RANBP2: variants seen among roughly 807,000 people sequenced by gnomAD.
RANBP2 encodes the protein RAN binding protein 2, also known as E3 SUMO-protein ligase RanBP2.
A neutral mutation model predicts 303.6 loss-of-function variants in RANBP2; 57 were observed. That is an observed-to-expected ratio of 0.19 (90% CI 0.15 to 0.23). RANBP2 has a LOEUF of 0.23. Among genes scored for constraint, RANBP2 ranks in the 10% least tolerant of loss-of-function variants. The pLI, the probability that RANBP2 is intolerant of heterozygous loss-of-function variation, is 1.00. For synonymous variants in RANBP2, 1,167 were observed against 1,301.5 expected (o/e 0.90, Z 2.23); for missense variants, 3,138 against 3,780.8 (o/e 0.83, Z 4.46).
the RANBP2 span, among the ~76,000 whole-genome samples, chr2:108,874,721 A>G: frequency 6.6e-6 from 1 of 152,214 alleles, no homozygotes; most frequent in East Asian, 1.9e-4. Context: ...ATTATTGTCA[A>G]ATTATAACCT....
the RANBP2 span, among the ~76,000 whole-genome samples, chr2:109,688,500 G>A: frequency 6.6e-6 from 1 of 152,152 alleles, no homozygotes; most frequent in African/African-American, 2.4e-5. Flanking sequence ...AAAATTGCAG[G>A]ACATGGCAGC....
chr2:108,806,346 A>C, the RANBP2 span, among the ~76,000 whole-genome samples: 1 of 152,130 alleles, frequency 6.6e-6, no homozygotes, highest in African/African-American at 2.4e-5. Flanking sequence ...ATCCTTAATA[A>C]TTTTGCATGT....
the RANBP2 span, among the ~76,000 whole-genome samples, chr2:109,164,511 C>T: frequency 1.2e-4 from 18 of 152,278 alleles, 1 homozygote; most frequent in South Asian, 3.1e-3. Context: ...TCTGTAGACT[C>T]TTCGGCCAAG....
chr2:108,775,464 G>A (rs1438177387), intron 23 of RANBP2, among the ~76,000 whole-genome samples: 2 of 152,110 alleles, frequency 1.3e-5, no homozygotes, highest in African/African-American at 2.4e-5. Flanking sequence ...GAAAAACTCC[G>A]TGTGGATCTT....
At chr2:109,074,248 A>C in the RANBP2 span, among the ~76,000 whole-genome samples, 1 of 150,498 alleles carries the variant, frequency 6.6e-6, no homozygotes, top group Admixed American at 6.6e-5. Context: ...AGGAGCCTGT[A>C]ATCCAGCTAC....
chr2:109,420,404 G>A, the RANBP2 span, among the ~76,000 whole-genome samples: 1 of 152,138 alleles, frequency 6.6e-6, no homozygotes, highest in East Asian at 1.9e-4. Flanking sequence ...AACCTGTGTT[G>A]TTACAGAACA....
chr2:109,161,400 G>A, the RANBP2 span, among the ~76,000 whole-genome samples: 3 of 151,884 alleles, frequency 2.0e-5, no homozygotes, highest in Non-Finnish European at 2.9e-5. Context: ...CTGAGCCTTC[G>A]TTTCCTTTCT....
the RANBP2 span, among the ~76,000 whole-genome samples, chr2:108,826,539 C>T: frequency 1.3e-5 from 2 of 152,086 alleles, no homozygotes; most frequent in Non-Finnish European, 2.9e-5. Flanking sequence ...TGTTTCGGTA[C>T]CATGTTGAAA....
the RANBP2 span, among the ~76,000 whole-genome samples, chr2:109,426,405 C>T: frequency 2.6e-5 from 4 of 152,128 alleles, no homozygotes; most frequent in South Asian, 2.1e-4. Context: ...TCATGGATGA[C>T]TTTGAGTGGT....
chr2:108,752,768 G>T (rs1419117611), intron 12 of RANBP2, among the ~76,000 whole-genome samples: 19 of 151,838 alleles, frequency 1.3e-4, no homozygotes, highest in Admixed American at 1.2e-3. Flanking sequence ...ACTCCAGCCT[G>T]GGCTACAGAG....
At chr2:109,081,352 AT>A in the RANBP2 span, among the ~76,000 whole-genome samples, 1 of 152,090 alleles carries the variant, frequency 6.6e-6, no homozygotes, top group Admixed American at 6.5e-5. Flanking sequence ...TCACCTCCAG[AT>A]GGGGGCAGCC....
chr2:109,212,643 C>T, the RANBP2 span, among the ~76,000 whole-genome samples: 1 of 152,316 alleles, frequency 6.6e-6, no homozygotes, highest in African/African-American at 2.4e-5. Flanking sequence ...GTTTCTTCTC[C>T]AGATAGCAAC....
the RANBP2 span, among the ~76,000 whole-genome samples, chr2:109,068,808 T>G: frequency 6.6e-6 from 1 of 152,246 alleles, no homozygotes; most frequent in African/African-American, 2.4e-5. Context: ...TCTGGCAAGC[T>G]GGTGAGATAA....
At chr2:108,843,844 TTGTGTGTGTG>T in the RANBP2 span, among the ~76,000 whole-genome samples, 24 of 22,838 alleles carry the variant, frequency 1.1e-3, no homozygotes, top group African/African-American at 1.4e-3. Context: ...AGTTCATGTT[TTGTGTGTGTG>T]TGTGTGTGTG....
chr2:109,320,555 G>A, the RANBP2 span, among the ~76,000 whole-genome samples: 2 of 152,152 alleles, frequency 1.3e-5, no homozygotes, highest in African/African-American at 4.8e-5. Context: ...TGTTATCTGG[G>A]AGAAGTTTAG....
chr2:108,747,902 TAGA>T (rs1265644945), intron 8 of RANBP2, among the ~76,000 whole-genome samples: 2 of 152,230 alleles, frequency 1.3e-5, no homozygotes, highest in Non-Finnish European at 2.9e-5. Flanking sequence ...CAGTCAGTTT[TAGA>T]AGATTTTCAT....
chr2:109,729,365 G>A, the RANBP2 span, among the ~76,000 whole-genome samples: 1 of 152,130 alleles, frequency 6.6e-6, no homozygotes, highest in African/African-American at 2.4e-5. Context: ...ATACAAAGCT[G>A]GCTGGGAGCA....
At chr2:109,361,675 C>CAT in the RANBP2 span, among the ~76,000 whole-genome samples, 2 of 152,104 alleles carry the variant, frequency 1.3e-5, no homozygotes, top group African/African-American at 4.8e-5. Context: ...GGGGTTTCAC[C>CAT]ATGTTGGTCA....
chr2:109,238,158 C>T, the RANBP2 span, among the ~76,000 whole-genome samples: 7 of 151,952 alleles, frequency 4.6e-5, no homozygotes, highest in African/African-American at 1.5e-4. Context: ...CATGATCATG[C>T]GGGTGCACTC....
Sources: gnomAD v4.1 joint callset for allele counts (sites outside exome capture counted in the v4.1 genomes callset) on GRCh38, gnomAD v4.1.1 for gene constraint, MANE v1.5 for transcripts, NCBI Gene and HGNC (gene_info 2026-07-23, HGNC 2026-07-21) for gene names.